Variants in NECTIN2 observed in about 807,000 individuals in gnomAD.
NECTIN2 encodes the protein nectin-2.
A neutral mutation model predicts 56.9 loss-of-function variants in NECTIN2; 23 were observed. The observed-to-expected ratio is 0.40, with a 90% CI of 0.29 to 0.57. The LOEUF is 0.57. NECTIN2 is among the 20% of genes least tolerant of loss of function. NECTIN2 has a pLI of 0.38. For missense variants in NECTIN2, 587 were observed against 718.3 expected, an observed-to-expected ratio of 0.82 and a Z score of 2.09; for synonymous variants, 302 against 313.8, an observed-to-expected ratio of 0.96 and a Z score of 0.40.
intron 1 of NECTIN2, among the ~76,000 whole-genome samples, chr19:44,850,743 G>A (rs896003959): frequency 1.3e-5 from 2 of 152,128 alleles, no homozygotes; most frequent in East Asian, 3.8e-4. Flanking sequence ...TGCTGCAGCC[G>A]CTGCTCACTC....
In NECTIN2 at chr19:44,888,569, G is replaced by A. The variant is rs1354529519; in HGVS notation, c.*190G>A. ...GCCCAGAGAAATTCACCGTGATAATGGAATCCTGGCAACCTTATCTCATGA... is the reference window on the plus strand; with the variant it reads ...GCCCAGAGAAATTCACCGTGATAATAGAATCCTGGCAACCTTATCTCATGA... On this transcript the variant is annotated 3_prime_UTR_variant, in exon 9 of 9. Coordinates refer to ENST00000252483, the MANE Select transcript of NECTIN2 (RefSeq NM_001042724.2). 4.7e-6 allele frequency: 3 copies of A among 636,920 alleles called. No individual in the cohort carries two copies. Among genetic ancestry groups the A allele is most frequent in the African/African-American group, 3.7e-5 (2 of 54,630 alleles). The allele number at this position is 636,920 out of a possible 1,614,324, so 39.5% of individuals were successfully genotyped here. A position where few individuals can be genotyped will look rare whatever the true frequency, so the allele number is the denominator to read the frequency against.
intron 3 of NECTIN2, among the ~76,000 whole-genome samples, chr19:44,872,420 T>C (rs912628933): frequency 1.3e-5 from 2 of 152,144 alleles, no homozygotes; most frequent in African/African-American, 4.8e-5. Flanking sequence ...GATACATTTC[T>C]TTCCAATTCC....
Position 44,888,137 on chromosome 19 carries a change from A to G in NECTIN2, c.1375A>G (p.Thr459Ala), listed in dbSNP as rs1969381196. The G allele has an allele frequency of 1.2e-6, 2 of 1,613,188 alleles. No homozygotes were observed. The highest frequency in any genetic ancestry group is 3.3e-5 in the Admixed American group (2 of 59,966). ...QEMPRYHELP[T>A]LEERSGPLHP... ...AATGCCTCGATACCATGAGCTGCCC[A>G]CCTTGGAAGAACGGTCAGGACCCTT... The change falls in exon 9 of 9, where the codon ACC becomes GCC. Residue 459 changes from threonine (T) to alanine (A), a missense_variant. Coordinates refer to ENST00000252483, the MANE Select transcript of NECTIN2 (RefSeq NM_001042724.2).
At chr19:44,870,686 G>A (rs1417598482) in intron 2 of NECTIN2, among the ~76,000 whole-genome samples, 1 of 150,910 alleles carries the variant, frequency 6.6e-6, no homozygotes, top group African/African-American at 2.4e-5. Flanking sequence ...TTGAACCACA[G>A]TACTCAGTTA....
intron 5 of NECTIN2, chr19:44,878,491 T>G (rs750653920): frequency 5.0e-6 from 8 of 1,611,048 alleles, no homozygotes; most frequent in South Asian, 1.1e-5. Context: ...ATGGCAAGGA[T>G]GAGGAGGAGG....
In NECTIN2 at chr19:44,875,163, C is replaced by T. The variant is rs1415354518; in HGVS notation, c.1042+685C>T. Among the ~76,000 whole-genome samples the T allele has an allele frequency of 2.6e-5, 4 of 152,164 alleles. No individual in the cohort carries two copies. Among genetic ancestry groups the T allele is most frequent in the Non-Finnish European group, 5.9e-5 (4 of 68,046 alleles). On this transcript the variant is annotated intron_variant, in intron 5 of 8. Coordinates refer to ENST00000252483, the MANE Select transcript of NECTIN2 (RefSeq NM_001042724.2). This position sits in a 1 kb window ranked among gnomAD's most constrained non-coding sequence, Gnocchi z 4.2. The stretch of plus-strand genomic sequence containing the variant: ...ATCCAGACACTCACCTGGATGGTAA[C>T]CCTGCACGCTCAAACCCATTGTCAC...
At chr19:44,878,346 G>A (rs1397666446) in intron 5 of NECTIN2, 8 of 1,549,062 alleles carry the variant, frequency 5.2e-6, no homozygotes, top group Non-Finnish European at 7.0e-6. Context: ...AGGGTGAGGA[G>A]GAGGAGGAAG....
intron 5 of NECTIN2, chr19:44,878,303 C>T (rs1969264854): frequency 6.9e-7 from 1 of 1,449,286 alleles, no homozygotes; most frequent in Non-Finnish European, 9.5e-7. Context: ...GCTGCTGCTT[C>T]TGGCTGGGGG....
Position 44,865,239 on chromosome 19 carries a change from C to T in NECTIN2, c.89-32C>T, listed in dbSNP as rs568099348. The T allele has an allele frequency of 4.9e-5, 77 of 1,567,706 alleles. No individual in the cohort carries two copies. Among genetic ancestry groups the T allele is most frequent in the South Asian group, 2.4e-4 (20 of 84,326 alleles). On this transcript the variant is annotated intron_variant, in intron 1 of 8. Coordinates refer to ENST00000252483, the MANE Select transcript of NECTIN2 (RefSeq NM_001042724.2). The surrounding 1 kb of genome is among the most constrained non-coding windows in gnomAD (Gnocchi z 5.2). ...GAGGTGTCTGGGTCCCTCCCCCACC[C>T]GACTACTTCACTCTCTGTCCTCTCT...
chr19:44,884,962 AC>A (rs1401060378), intron 6 of NECTIN2, among the ~76,000 whole-genome samples: 2 of 151,494 alleles, frequency 1.3e-5, no homozygotes, highest in Non-Finnish European at 2.9e-5. Context: ...CTTGCTGACG[AC>A]CCAGATCTTT....
intron 1 of NECTIN2, among the ~76,000 whole-genome samples, chr19:44,860,537 T>A (rs1969020245): frequency 2.0e-5 from 3 of 152,014 alleles, no homozygotes; most frequent in African/African-American, 7.2e-5. Flanking sequence ...CTGATTATAG[T>A]AACAGATGTA....
At chr19:44,882,517 G>A (rs779089271) in intron 6 of NECTIN2, among the ~76,000 whole-genome samples, 153 bp downstream of exon 6, 3 of 151,886 alleles carry the variant, frequency 2.0e-5, no homozygotes, top group Non-Finnish European at 2.9e-5. Context: ...GGGAGGTATG[G>A]GTTTCTCTCT....
At chr19:44,884,013 G>A (rs965498778) in intron 6 of NECTIN2, among the ~76,000 whole-genome samples, 6 of 151,892 alleles carry the variant, frequency 4.0e-5, no homozygotes, top group African/African-American at 9.7e-5. Context: ...CAGCTACTTG[G>A]GTGGGCTGAG....
intron 3 of NECTIN2, 56 bp downstream of exon 3, chr19:44,872,205 T>A: frequency 6.4e-7 from 1 of 1,565,498 alleles, no homozygotes. Flanking sequence ...CTGGCTTCTC[T>A]AAAGCACTGT....
chr19:44,849,354 C>A (rs1968874428), intron 1 of NECTIN2, among the ~76,000 whole-genome samples: 1 of 151,998 alleles, frequency 6.6e-6, no homozygotes, highest in South Asian at 2.1e-4. Flanking sequence ...AGGCAGGGAG[C>A]CCCAAAGACT....
chr19:44,882,245 CGGCATCATCGGG>C lies in NECTIN2; in HGVS notation c.1088_1099del (p.Gly363_Ile366del). 6.5e-7 allele frequency: 1 copy of C among 1,538,788 alleles called. No individual in the cohort carries two copies. Among genetic ancestry groups the C allele is most frequent in the Non-Finnish European group, 8.8e-7 (1 of 1,140,032 alleles). On this transcript the variant is annotated inframe_deletion, in exon 6 of 9. Transcript: ENST00000252483. ...ACACAGCAGGCGCAGGGGCCACAGG[CGGCATCATCGGG>C]GGCATCATCGCCGCCATCATTGCTA...
intron 1 of NECTIN2, among the ~76,000 whole-genome samples, chr19:44,851,460 C>T (rs1968899027): frequency 6.6e-6 from 1 of 152,204 alleles, no homozygotes; most frequent in Admixed American, 6.5e-5. Flanking sequence ...GTCCAAGCCC[C>T]CAACCTCTCC....
At chr19:44,862,189 C>T (rs1009728444) in intron 1 of NECTIN2, among the ~76,000 whole-genome samples, 8 of 152,060 alleles carry the variant, frequency 5.3e-5, no homozygotes, top group East Asian at 1.9e-4. Flanking sequence ...GCCGAGGCGG[C>T]GGATCACGAG....
intron 5 of NECTIN2, among the ~76,000 whole-genome samples, chr19:44,881,172 C>T (rs1051772864): frequency 6.6e-5 from 10 of 151,692 alleles, no homozygotes; most frequent in African/African-American, 2.4e-4. Context: ...CCTCCCAAAG[C>T]GCTGGGATTA....
Sources: allele counts gnomAD v4.1 joint callset (sites outside exome capture counted in the v4.1 genomes callset), GRCh38; gene constraint gnomAD v4.1.1; non-coding constraint Gnocchi (gnomAD v3.1); transcripts MANE v1.5; gene names NCBI Gene and HGNC (gene_info 2026-07-23, HGNC 2026-07-21).